The following ATP11A variants were observed in gnomAD, a reference collection of about 807,000 sequenced individuals.
ATP11A encodes the protein phospholipid-transporting ATPase IH.
ATP11A carries 81 observed loss-of-function variants against 154.4 expected under a neutral mutation model. That is an observed-to-expected ratio of 0.52 (90% CI 0.44 to 0.63). The LOEUF (loss-of-function observed/expected upper bound fraction) is 0.63. ATP11A is among the 30% of genes least tolerant of loss of function. The probability of loss-of-function intolerance (pLI) is 0.00; values close to 1 mark genes in which losing one functional copy is unlikely to be tolerated. For missense variants in ATP11A, 1,316 were observed against 1,474.3 expected, an observed-to-expected ratio of 0.89 and a Z score of 1.76; for synonymous variants, 623 against 585.9, an observed-to-expected ratio of 1.06 and a Z score of -0.91.
intron 1 of ATP11A, among the ~76,000 whole-genome samples, chr13:112,738,118 TC>T: frequency 1.3e-5 from 2 of 152,288 alleles, no homozygotes; most frequent in Middle Eastern, 6.8e-3. Context: ...ATGCCTATAA[TC>T]CTAGCACTTT....
In ATP11A at chr13:112,883,023, G is replaced by A. The variant is rs1473021485; in HGVS notation, c.*1157G>A. The A allele has an allele frequency of 7.0e-5, 27 of 388,228 alleles. No homozygotes were observed. Among genetic ancestry groups the A allele is most frequent in the Admixed American group, 5.1e-4 (11 of 21,762 alleles). The allele number at this position is 388,228 out of a possible 1,614,324, so 24.0% of individuals were successfully genotyped here. On this transcript the variant is annotated 3_prime_UTR_variant, in exon 30 of 30. Transcript: ENST00000375645. ...CCACGTCCCCTCGTCCCATCCCCAC[G>A]TCCCCTCATCCCGTCACCTCGTCCC...
Position 112,697,152 on chromosome 13 carries a change from G to A in ATP11A, c.39+6697G>A, listed in dbSNP as rs1191347969. On this transcript the variant is annotated intron_variant, in intron 1 of 29. Transcript: ENST00000375645. This position sits in a 1 kb window ranked among gnomAD's most constrained non-coding sequence, Gnocchi z 4.0. The stretch of plus-strand genomic sequence containing the variant: ...GGAGCCCTGGGGCCTTCCGTGGGCT[G>A]CTTCCTGTGGCGTCCTGCGGGCTGG... Among the ~76,000 whole-genome samples the A allele has an allele frequency of 6.6e-6, 1 of 152,172 alleles. No homozygotes were observed. The highest frequency in any genetic ancestry group is 6.5e-5 in the Admixed American group (1 of 15,290).
At chr13:112,877,457 C>T (rs2080763721) in intron 28 of ATP11A, among the ~76,000 whole-genome samples, 1 of 152,254 alleles carries the variant, frequency 6.6e-6, no homozygotes, top group Non-Finnish European at 1.5e-5. Context: ...TTCATAACCA[C>T]ATCCCATACA....
chr13:112,790,812 T>C (rs75450786), intron 2 of ATP11A, among the ~76,000 whole-genome samples: 9,939 of 152,340 alleles, frequency 0.065, 484 homozygotes, highest in Non-Finnish European at 0.089. Context: ...TTTTAAAGAA[T>C]ATTTTACAAC....
chr13:112,764,647 C>T (rs896964065), intron 1 of ATP11A, among the ~76,000 whole-genome samples: 22 of 152,338 alleles, frequency 1.4e-4, no homozygotes, highest in Admixed American at 6.5e-4. Context: ...AAGCTGGTGA[C>T]GTGCCCCCTG....
intron 1 of ATP11A, among the ~76,000 whole-genome samples, chr13:112,766,389 C>T (rs2077076828): frequency 1.3e-5 from 2 of 152,238 alleles, no homozygotes; most frequent in Admixed American, 1.3e-4. Flanking sequence ...TGTATTCTCT[C>T]CTTTGGACAC....
intron 1 of ATP11A, among the ~76,000 whole-genome samples, chr13:112,698,491 C>T (rs1003384244): frequency 1.3e-5 from 2 of 152,184 alleles, no homozygotes; most frequent in Admixed American, 6.5e-5. Context: ...AGCCAGAGAG[C>T]TTTCTCCTTA....
intron 1 of ATP11A, among the ~76,000 whole-genome samples, chr13:112,774,903 T>A (rs1459396568): frequency 6.6e-6 from 1 of 151,548 alleles, no homozygotes; most frequent in Non-Finnish European, 1.5e-5. Context: ...CGAGGCTGTG[T>A]GTCTGAGCAG....
chr13:112,779,124 GTAGCCGCTGGAGT>G (rs1250975891), intron 1 of ATP11A, among the ~76,000 whole-genome samples: 7 of 37,108 alleles, frequency 1.9e-4, no homozygotes, highest in Admixed American at 2.5e-4. Flanking sequence ...ACTGGAGTGA[GTAGCCGCTGGAGT>G]GAGTAGCCGC....
Position 112,752,016 on chromosome 13 carries a change from G to A in ATP11A, c.40-33119G>A, listed in dbSNP as rs147088741. On this transcript the variant is annotated intron_variant, in intron 1 of 29. Coordinates refer to ENST00000375645, the MANE Select transcript of ATP11A (RefSeq NM_015205.3). The stretch of plus-strand genomic sequence containing the variant: ...CGTTCATCTTTTCCTGAGCCCTGGA[G>A]TGCCCCATGCTTTTAAGGGACCCCT... Among the ~76,000 whole-genome samples the A allele has an allele frequency of 3.9e-3, 592 of 152,344 alleles. 2 individuals are homozygous for A. Among genetic ancestry groups the A allele is most frequent in the African/African-American group, 0.014 (564 of 41,566 alleles).
At chr13:112,745,688 A>G (rs1892050197) in intron 1 of ATP11A, 1 of 152,234 alleles carries the variant, frequency 6.6e-6, no homozygotes, top group Non-Finnish European at 1.5e-5. Flanking sequence ...ATCGAGAAGC[A>G]TAAAACAAAA....
chr13:112,816,217 G>A lies in ATP11A; in HGVS notation c.570+6G>A. On this transcript the variant is annotated splice_donor_region_variant and intron_variant, in intron 6 of 29. Coordinates refer to ENST00000375645, the MANE Select transcript of ATP11A (RefSeq NM_015205.3). The stretch of plus-strand genomic sequence containing the variant: ...ATGGAGAATCCAGCCATAAAGTAAG[G>A]GGCCTTTTCATTAGACTCCAGGGCA... 1 of 1,614,092 alleles carries A rather than the reference G, an allele frequency of 6.2e-7. No individual in the cohort carries two copies. The highest frequency in any genetic ancestry group is 1.3e-5 in the African/African-American group (1 of 75,040).
intron 1 of ATP11A, among the ~76,000 whole-genome samples, chr13:112,717,083 T>C (rs1594396422): frequency 6.6e-6 from 1 of 152,154 alleles, no homozygotes; most frequent in Non-Finnish European, 1.5e-5. Context: ...AGGCTTCTGT[T>C]GTGACCTTGA....
In ATP11A at chr13:112,778,576, G is replaced by GT. The variant is rs555179628; in HGVS notation, c.40-6558dup. Among the ~76,000 whole-genome samples the GT allele has an allele frequency of 2.5e-3, 387 of 152,300 alleles. 1 individual carries two copies. Among genetic ancestry groups the GT allele is most frequent in the Non-Finnish European group, 3.5e-3 (239 of 68,026 alleles). ...ACTGTCCCTGTGAACAGCCGCTGGA[G>GT]TGAGTAGCCACTGGAATGAGTAGCC... On this transcript the variant is annotated intron_variant, in intron 1 of 29. Coordinates refer to ENST00000375645, the MANE Select transcript of ATP11A (RefSeq NM_015205.3).
intron 1 of ATP11A, among the ~76,000 whole-genome samples, chr13:112,743,380 C>T (rs150730881): frequency 7.2e-5 from 11 of 152,078 alleles, no homozygotes; most frequent in African/African-American, 9.7e-5. Context: ...CTAGCACTGA[C>T]GGCATAGGCA....
chr13:112,858,091 CTG>C, intron 21 of ATP11A, 52 bp from the exon 22 acceptor site: 1 of 1,598,294 alleles, frequency 6.3e-7, no homozygotes. Context: ...CGTCCCTGCC[CTG>C]TGTGTGGTGT....
chr13:112,728,616 C>T (rs568321749), intron 1 of ATP11A, among the ~76,000 whole-genome samples: 9 of 144,766 alleles, frequency 6.2e-5, no homozygotes, highest in Admixed American at 4.1e-4. Context: ...TGAGACCGTG[C>T]GGCCCGCCTC....
In ATP11A at chr13:112,708,181, A is replaced by C. The variant is rs145988425; in HGVS notation, c.39+17726A>C. On this transcript the variant is annotated intron_variant, in intron 1 of 29. Coordinates refer to ENST00000375645, the MANE Select transcript of ATP11A (RefSeq NM_015205.3). ...CTTTTACAGGGAAAACGCTTCCACA[A>C]CCAGCAGGATGCAGAAAATGCTTTC... Among the ~76,000 whole-genome samples, 491 of 152,346 alleles carry C rather than the reference A, an allele frequency of 3.2e-3. 4 individuals are homozygous for C. The highest frequency in any genetic ancestry group is 0.031 in the East Asian group (160 of 5,190).
intron 1 of ATP11A, among the ~76,000 whole-genome samples, chr13:112,744,621 C>G (rs951813585): frequency 6.6e-6 from 1 of 152,210 alleles, no homozygotes; most frequent in Non-Finnish European, 1.5e-5. Context: ...TTCTCGGGCT[C>G]GTTGGCCTGC....
Sources: allele counts gnomAD v4.1 joint callset (sites outside exome capture counted in the v4.1 genomes callset), GRCh38; gene constraint gnomAD v4.1.1; non-coding constraint Gnocchi (gnomAD v3.1); transcripts MANE v1.5; gene names NCBI Gene and HGNC (gene_info 2026-07-23, HGNC 2026-07-21).